The following PPARGC1B variants were observed in gnomAD, a reference collection of about 807,000 sequenced individuals.
The protein encoded by PPARGC1B is peroxisome proliferator-activated receptor gamma coactivator 1-beta.
In PPARGC1B, 34 loss-of-function variants were observed where a neutral mutation model predicts 101.6. The ratio of observed to expected loss-of-function variants is 0.33; its 90% CI spans 0.25 to 0.45. The LOEUF (loss-of-function observed/expected upper bound fraction) is 0.45, where lower values mean the gene tolerates loss of function less well. Among genes scored for constraint, PPARGC1B ranks in the 20% least tolerant of loss-of-function variants. PPARGC1B has a pLI of 1.00. For synonymous variants in PPARGC1B, 548 were observed against 539.3 expected (o/e 1.02, Z -0.22); for missense variants, 1,234 against 1,317.6 (o/e 0.94, Z 0.98).
At chr5:149,774,470 C>T (rs769072936) in intron 1 of PPARGC1B, among the ~76,000 whole-genome samples, 6 of 152,120 alleles carry the variant, frequency 3.9e-5, no homozygotes, top group African/African-American at 9.7e-5. Flanking sequence ...AGGTCTGCGG[C>T]GCTGGTAATC....
intron 1 of PPARGC1B, chr5:149,772,050 C>CTGTG: frequency 6.5e-7 from 1 of 1,533,686 alleles, no homozygotes; most frequent in South Asian, 1.2e-5. Context: ...ACGTGCCAGG[C>CTGTG]TGTGCACAGG....
chr5:149,823,595 C>T (rs993356772), intron 2 of PPARGC1B, among the ~76,000 whole-genome samples: 1 of 152,102 alleles, frequency 6.6e-6, no homozygotes, highest in African/African-American at 2.4e-5. Context: ...AATTTGCACT[C>T]TGTTTCTGTG....
intron 1 of PPARGC1B, chr5:149,761,298 C>G (rs1755708279): frequency 1.3e-5 from 2 of 152,142 alleles, no homozygotes. Flanking sequence ...GATCTACTCT[C>G]TTAGTCAATT....
chr5:149,840,252 C>A (rs1013992823), intron 9 of PPARGC1B, 136 bp downstream of exon 9: 3 of 708,252 alleles, frequency 4.2e-6, no homozygotes, highest in African/African-American at 3.6e-5. Flanking sequence ...GAAGAAGGGA[C>A]TATGGCAACA....
chr5:149,832,329 C>A lies in PPARGC1B; in HGVS notation c.583-327C>A, dbSNP rs186341419. Among the ~76,000 whole-genome samples the A allele has an allele frequency of 6.6e-6, 1 of 152,182 alleles. No homozygotes were observed. The highest frequency in any genetic ancestry group is 1.9e-4 in the East Asian group (1 of 5,194). On this transcript the variant is annotated intron_variant, in intron 4 of 11. Transcript: ENST00000309241. The surrounding 1 kb of genome is among the most constrained non-coding windows in gnomAD (Gnocchi z 4.9). ...CGCCCAGCTCCAGGCTACCATGAAC[C>A]TACTGCCCGGCTCTTGGCTGAGGGG... is the stretch of plus-strand genomic sequence containing the variant.
intron 1 of PPARGC1B, among the ~76,000 whole-genome samples, chr5:149,757,563 T>A (rs1405335200): frequency 6.6e-6 from 1 of 152,190 alleles, no homozygotes; most frequent in East Asian, 1.9e-4. Flanking sequence ...CCTGCCAGCC[T>A]GTCCTGACGG....
At chr5:149,809,175 C>CATAG (rs1170949360) in intron 1 of PPARGC1B, among the ~76,000 whole-genome samples, 14 of 42,948 alleles carry the variant, frequency 3.3e-4, no homozygotes, top group African/African-American at 8.3e-4. Context: ...CCATCTCTAC[C>CATAG]ATAGATAGAT....
At chr5:149,842,513 G>C (rs1234994866) in intron 10 of PPARGC1B, 136 bp downstream of exon 10, 1 of 1,256,256 alleles carries the variant, frequency 8.0e-7, no homozygotes, top group Non-Finnish European at 1.1e-6. Flanking sequence ...TGGAAAGCCA[G>C]GCCCATGAGA....
intron 1 of PPARGC1B, among the ~76,000 whole-genome samples, chr5:149,740,934 C>T (rs1754883081): frequency 6.6e-6 from 1 of 152,316 alleles, no homozygotes; most frequent in East Asian, 1.9e-4. Context: ...TAGAGACGAT[C>T]TTGCTTAATG....
intron 6 of PPARGC1B, 49 bp from the exon 7 acceptor site, chr5:149,835,252 C>A: frequency 6.4e-7 from 1 of 1,560,714 alleles, no homozygotes; most frequent in Non-Finnish European, 8.8e-7. Flanking sequence ...GAGGTGGATG[C>A]CTGCTGCTGA....
At chr5:149,746,595 A>T (rs947620765) in intron 1 of PPARGC1B, among the ~76,000 whole-genome samples, 4 of 152,214 alleles carry the variant, frequency 2.6e-5, no homozygotes, top group Non-Finnish European at 5.9e-5. Flanking sequence ...CCCTGACTTC[A>T]ACCCATTTGG....
At position 149,822,950 on chromosome 5, in the gene PPARGC1B, C is replaced by T. The variant is rs57312617; in HGVS notation, c.252+2344C>T. On this transcript the variant is annotated intron_variant, in intron 2 of 11. Coordinates refer to ENST00000309241, the MANE Select transcript of PPARGC1B (RefSeq NM_133263.4). ...AATCACGGAGTCTTGCTGCCAGTGCCAAGCTGTGTTAACAATTAAATGGCA... is the reference window on the plus strand; with the variant it reads ...AATCACGGAGTCTTGCTGCCAGTGCTAAGCTGTGTTAACAATTAAATGGCA... 2.6e-4 allele frequency among the ~76,000 whole-genome samples: 39 copies of T among 152,294 alleles called. No homozygotes were observed. In the East Asian group the frequency reaches 7.5e-3, roughly 29 times the overall value.
downstream of PPARGC1B, among the ~76,000 whole-genome samples, chr5:149,857,790 C>T (rs529188029): frequency 6.6e-6 from 1 of 152,322 alleles, no homozygotes; most frequent in South Asian, 2.1e-4. Flanking sequence ...CTTGGCCCAG[C>T]CCCGTCTTCT....
chr5:149,788,897 T>C (rs1301362799), intron 1 of PPARGC1B, among the ~76,000 whole-genome samples: 1 of 151,680 alleles, frequency 6.6e-6, no homozygotes, highest in Non-Finnish European at 1.5e-5. Flanking sequence ...GGACACAGGG[T>C]GGGGAACATC....
At position 149,847,440 on chromosome 5, in the gene PPARGC1B, C is replaced by T; in HGVS notation, c.2972-18C>T. 1.3e-6 allele frequency: 2 copies of T among 1,596,486 alleles called. No homozygotes were observed. Among genetic ancestry groups the T allele is most frequent in the East Asian group, 2.2e-5 (1 of 44,780 alleles). The stretch of plus-strand genomic sequence containing the variant: ...CACTGCCTTCCCCTCTTCCCTGCCT[C>T]TTCACCCCCATGCCCAGATTCCAAT... On this transcript the variant is annotated intron_variant, in intron 11 of 11. Transcript: ENST00000309241.
intron 9 of PPARGC1B, among the ~76,000 whole-genome samples, 160 bp downstream of exon 9, chr5:149,840,276 T>A (rs760268322): frequency 7.9e-5 from 12 of 152,168 alleles, no homozygotes; most frequent in Non-Finnish European, 1.5e-4. Context: ...GACAATGATA[T>A]TTCTCTCATT....
intron 1 of PPARGC1B, among the ~76,000 whole-genome samples, chr5:149,760,221 G>A (rs555246266): frequency 9.9e-4 from 151 of 152,280 alleles, no homozygotes; most frequent in African/African-American, 3.6e-3. Flanking sequence ...CAGATTGAGG[G>A]GCAGAGAGCA....
intron 3 of PPARGC1B, among the ~76,000 whole-genome samples, chr5:149,827,542 G>A (rs899320191): frequency 1.6e-4 from 24 of 152,220 alleles, no homozygotes; most frequent in Admixed American, 1.2e-3. Context: ...ACAAGCAGTG[G>A]CACAGTAACT....
intron 1 of PPARGC1B, among the ~76,000 whole-genome samples, chr5:149,778,108 CACAGAG>C (rs1756460587): frequency 1.1e-5 from 1 of 88,556 alleles, no homozygotes; most frequent in African/African-American, 5.2e-5. Flanking sequence ...CACACACACA[CACAGAG>C]TACCCAGCTG....
Sources: gnomAD v4.1 joint callset for allele counts (sites outside exome capture counted in the v4.1 genomes callset) on GRCh38, gnomAD v4.1.1 for gene constraint, Gnocchi (gnomAD v3.1) non-coding constraint, MANE v1.5 for transcripts, NCBI Gene and HGNC (gene_info 2026-07-23, HGNC 2026-07-21) for gene names.